The following NKAIN2 variants were observed in gnomAD, a reference collection of about 807,000 sequenced individuals.
NKAIN2 encodes the protein sodium/potassium-transporting ATPase subunit beta-1-interacting protein 2.
Under a neutral mutation model 32.6 loss-of-function variants are expected in NKAIN2, and 14 were observed. The observed-to-expected ratio is 0.43, with a 90% CI of 0.28 to 0.67. The LOEUF (loss-of-function observed/expected upper bound fraction) is 0.67. Ranked by LOEUF, NKAIN2 falls within the 30% of genes least tolerant of loss-of-function variation. The pLI is 0.17. For missense variants in NKAIN2, 198 were observed against 258.3 expected (o/e 0.77, Z 1.60); for synonymous variants, 80 against 87.2 (o/e 0.92, Z 0.46).
intron 3 of NKAIN2, among the ~76,000 whole-genome samples, chr6:124,384,051 A>C (rs1772773437): frequency 6.6e-6 from 1 of 152,320 alleles, no homozygotes; most frequent in South Asian, 2.1e-4. Context: ...AATAAACATT[A>C]ATTATCAGTA....
chr6:123,870,414 A>G (rs1170749270), intron 1 of NKAIN2, among the ~76,000 whole-genome samples: 3 of 152,138 alleles, frequency 2.0e-5, no homozygotes, highest in African/African-American at 7.2e-5. Flanking sequence ...ATTGCAAGCC[A>G]TTTAGATTTC....
At chr6:124,004,287 C>A (rs989979539) in intron 1 of NKAIN2, among the ~76,000 whole-genome samples, 1 of 152,028 alleles carries the variant, frequency 6.6e-6, no homozygotes, top group African/African-American at 2.4e-5. Context: ...TCCTTTCATT[C>A]AAAAATATTT....
chr6:124,103,573 A>G (rs1212806280), intron 1 of NKAIN2, among the ~76,000 whole-genome samples: 1 of 152,182 alleles, frequency 6.6e-6, no homozygotes, highest in Non-Finnish European at 1.5e-5. Flanking sequence ...TTTTCTAATA[A>G]TGCCTTCAAA....
rs1451739284 is a variant in NKAIN2 at position 124,002,966 on chromosome 6, A to G, written c.54+198712A>G. ...TAAAAACACAAGGATGACTGGCTCC[A>G]TTTGGAGCATTGTGTTAGCCAAGCA... On this transcript the variant is annotated intron_variant, in intron 1 of 6. Transcript: ENST00000368417. Among the ~76,000 whole-genome samples, 5 of 152,188 alleles carry G rather than the reference A, an allele frequency of 3.3e-5. No homozygotes were observed. The East Asian group carries it at 9.6e-4, about 29-fold the overall frequency.
At chr6:124,570,176 CTG>C (rs1249915407) in intron 3 of NKAIN2, among the ~76,000 whole-genome samples, 1 of 152,152 alleles carries the variant, frequency 6.6e-6, no homozygotes, top group Admixed American at 6.5e-5. Flanking sequence ...CATTCAAAAG[CTG>C]ACTTGGGTGC....
At chr6:123,949,587 A>AT (rs575844770) in intron 1 of NKAIN2, among the ~76,000 whole-genome samples, 1,582 of 151,762 alleles carry the variant, frequency 0.01, 18 homozygotes, top group Middle Eastern at 0.02. Flanking sequence ...TGCCTTCTTG[A>AT]TTTTTTCTCA....
intron 4 of NKAIN2, among the ~76,000 whole-genome samples, chr6:124,725,369 A>C (rs765934290): frequency 3.9e-5 from 6 of 152,048 alleles, no homozygotes; most frequent in Non-Finnish European, 7.4e-5. Context: ...CTCCCAAAGC[A>C]CTGAGATTAT....
At chr6:124,657,117 G>A (rs192511931) in intron 3 of NKAIN2, among the ~76,000 whole-genome samples, 3 of 152,260 alleles carry the variant, frequency 2.0e-5, no homozygotes, top group Admixed American at 1.3e-4. Flanking sequence ...CTTTCCATAT[G>A]TTCAATGTGA....
At chr6:124,748,652 C>T (rs1777565776) in intron 4 of NKAIN2, among the ~76,000 whole-genome samples, 1 of 151,874 alleles carries the variant, frequency 6.6e-6, no homozygotes, top group African/African-American at 2.4e-5. Flanking sequence ...ATAAAAATTT[C>T]AACATAAAGC....
intron 1 of NKAIN2, among the ~76,000 whole-genome samples, chr6:124,085,545 A>T (rs961135244): frequency 1.3e-5 from 2 of 151,752 alleles, no homozygotes; most frequent in African/African-American, 4.8e-5. Flanking sequence ...TGGTGAGTGG[A>T]ACACTTTTCT....
chr6:124,525,899 CT>C (rs1779293411), intron 3 of NKAIN2, among the ~76,000 whole-genome samples: 1 of 152,006 alleles, frequency 6.6e-6, no homozygotes, highest in Admixed American at 6.6e-5. Flanking sequence ...AGAAAATGGC[CT>C]TAAGAAAACT....
intron 1 of NKAIN2, among the ~76,000 whole-genome samples, chr6:124,111,772 G>C (rs535445468): frequency 6.6e-6 from 1 of 151,736 alleles, no homozygotes; most frequent in East Asian, 1.9e-4. Flanking sequence ...ATTGGGTTTT[G>C]TTGGGGTTTT....
intron 1 of NKAIN2, among the ~76,000 whole-genome samples, chr6:123,937,590 G>C (rs1776578535): frequency 6.6e-6 from 1 of 152,006 alleles, no homozygotes; most frequent in African/African-American, 2.4e-5. Context: ...AATATGTGCT[G>C]ATAAATTACA....
intron 1 of NKAIN2, among the ~76,000 whole-genome samples, chr6:124,147,780 T>G (rs193027232): frequency 1.0e-3 from 158 of 152,294 alleles, no homozygotes; most frequent in African/African-American, 3.6e-3. Flanking sequence ...TTTTAATCTT[T>G]CTGTTTAATT....
chr6:124,555,292 C>G (rs901633572), intron 3 of NKAIN2, among the ~76,000 whole-genome samples: 1 of 151,376 alleles, frequency 6.6e-6, no homozygotes, highest in Non-Finnish European at 1.5e-5. Flanking sequence ...CTGAGCCTAT[C>G]AAACACCTAT....
chr6:124,229,629 T>A (rs746257332), intron 1 of NKAIN2, among the ~76,000 whole-genome samples: 2 of 152,150 alleles, frequency 1.3e-5, no homozygotes, highest in Non-Finnish European at 2.9e-5. Flanking sequence ...CCATATGTTG[T>A]GGCAGGGACC....
chr6:124,485,523 T>C (rs555985912), intron 3 of NKAIN2, among the ~76,000 whole-genome samples: 10 of 151,374 alleles, frequency 6.6e-5, no homozygotes, highest in African/African-American at 1.9e-4. Flanking sequence ...AAAATATAGT[T>C]AAAATAAAAT....
chr6:123,931,918 G>A (rs781746829), intron 1 of NKAIN2, among the ~76,000 whole-genome samples: 11 of 151,970 alleles, frequency 7.2e-5, no homozygotes, highest in Non-Finnish European at 1.3e-4. Flanking sequence ...TCTCTAGTTT[G>A]ACAATATCTG....
In NKAIN2 at chr6:124,526,087, A is replaced by T. The variant is rs145575014; in HGVS notation, c.274-132099A>T. ...GAGGAGGGCAATGCATATGAAGTAG[A>T]ATATGCAATGGGAATCTTCTAGATA... On this transcript the variant is annotated intron_variant, in intron 3 of 6. Coordinates refer to ENST00000368417, the MANE Select transcript of NKAIN2 (RefSeq NM_001040214.3). Among the ~76,000 whole-genome samples, 10 of 152,308 alleles carry T rather than the reference A, an allele frequency of 6.6e-5. No homozygotes were observed. In the East Asian group the frequency reaches 1.9e-3, roughly 29 times the overall value.
Sources: allele counts gnomAD v4.1 joint callset (sites outside exome capture counted in the v4.1 genomes callset), GRCh38; gene constraint gnomAD v4.1.1; transcripts MANE v1.5; gene names NCBI Gene and HGNC (gene_info 2026-07-23, HGNC 2026-07-21).